The following NEDD4L variants were observed in gnomAD, a reference collection of about 807,000 sequenced individuals.
NEDD4L encodes the protein E3 ubiquitin-protein ligase NEDD4-like.
In NEDD4L, 54 loss-of-function variants were observed where a neutral mutation model predicts 148.9. The ratio of observed to expected loss-of-function variants is 0.36; its 90% confidence interval spans 0.29 to 0.45. NEDD4L has a LOEUF of 0.45. Among genes scored for constraint, NEDD4L ranks in the 20% least tolerant of loss-of-function variants. The pLI is 1.00. For missense variants in NEDD4L, 856 were observed against 1,233.8 expected (o/e 0.69, Z 4.59); for synonymous variants, 433 against 440.7 (o/e 0.98, Z 0.22).
intron 20 of NEDD4L, 134 bp from the exon 21 acceptor site, chr18:58,365,865 C>T (rs2046052851): frequency 6.4e-6 from 4 of 621,622 alleles, no homozygotes; most frequent in South Asian, 2.2e-5. Flanking sequence ...AGGAGAGAAT[C>T]TCAGTTGGAA....
chr18:58,160,289 A>G (rs1371738367), intron 1 of NEDD4L, among the ~76,000 whole-genome samples: 1 of 152,192 alleles, frequency 6.6e-6, no homozygotes, highest in Non-Finnish European at 1.5e-5. Context: ...CCTGTTTCTC[A>G]GTTTGGACAC....
chr18:58,081,505 G>A (rs371422345), intron 1 of NEDD4L, among the ~76,000 whole-genome samples: 38 of 151,876 alleles, frequency 2.5e-4, no homozygotes, highest in African/African-American at 9.2e-4. Context: ...GTGAGCCACC[G>A]CACCCAGCTG....
At chr18:58,161,950 G>T (rs1418810589) in intron 1 of NEDD4L, among the ~76,000 whole-genome samples, 1 of 152,136 alleles carries the variant, frequency 6.6e-6, no homozygotes, top group Non-Finnish European at 1.5e-5. Flanking sequence ...TAGTCAAGTT[G>T]CATGTCCGGG....
intron 6 of NEDD4L, 124 bp from the exon 7 acceptor site, chr18:58,322,301 G>C (rs2058862679): frequency 1.4e-6 from 1 of 724,828 alleles, no homozygotes; most frequent in South Asian, 1.7e-5. Context: ...ACCAAGTGAA[G>C]AAACACATTC....
chr18:58,305,775 CT>C (rs1344206272), intron 5 of NEDD4L, among the ~76,000 whole-genome samples: 5 of 152,126 alleles, frequency 3.3e-5, no homozygotes, highest in African/African-American at 1.2e-4. Context: ...CCTCTCCACA[CT>C]TTTCTCATCA....
chr18:58,268,991 C>T lies in NEDD4L; in HGVS notation c.297+16937C>T, dbSNP rs377560834. Among the ~76,000 whole-genome samples the T allele has an allele frequency of 1.1e-4, 16 of 152,118 alleles. No homozygotes were observed. In the South Asian group the frequency reaches 3.3e-3, roughly 32 times the overall value. ...GCCTCCTCCCTTCCCAAGCCTCAGG[C>T]CTGAAAGTCTGGTGATCCTCCCTGG... On this transcript the variant is annotated intron_variant, in intron 5 of 30. Transcript: ENST00000400345.
intron 16 of NEDD4L, among the ~76,000 whole-genome samples, chr18:58,349,142 C>T (rs1263004475): frequency 2.6e-5 from 4 of 152,056 alleles, no homozygotes; most frequent in African/African-American, 7.2e-5. Context: ...CTCCCCTCAC[C>T]GGGAGCTCGG....
intron 5 of NEDD4L, 110 bp downstream of exon 5, chr18:58,252,164 C>A: frequency 1.4e-6 from 1 of 730,486 alleles, no homozygotes. Flanking sequence ...AGTATATGTG[C>A]CCAAAAAGAA....
chr18:58,211,657 T>A (rs2042614729), intron 2 of NEDD4L, among the ~76,000 whole-genome samples: 1 of 152,230 alleles, frequency 6.6e-6, no homozygotes, highest in Non-Finnish European at 1.5e-5. Flanking sequence ...AATAAATACG[T>A]ACTACCTGAG....
At chr18:58,161,974 CT>C (rs763970750) in intron 1 of NEDD4L, among the ~76,000 whole-genome samples, 6 of 152,114 alleles carry the variant, frequency 3.9e-5, no homozygotes, top group Non-Finnish European at 8.8e-5. Flanking sequence ...AAAAGGGACA[CT>C]TTTCTGTGGA....
chr18:58,392,759 C>T (rs939994011), intron 30 of NEDD4L, among the ~76,000 whole-genome samples: 3 of 152,200 alleles, frequency 2.0e-5, no homozygotes, highest in African/African-American at 7.2e-5. Context: ...TTTCTGGGTT[C>T]TACTGGCCTC....
chr18:58,125,348 C>T (rs191143248), intron 1 of NEDD4L, among the ~76,000 whole-genome samples: 1 of 140,946 alleles, frequency 7.1e-6, no homozygotes, highest in African/African-American at 2.8e-5. Flanking sequence ...CCTCTTCCCC[C>T]CACCAGGAGG....
At chr18:58,094,274 T>C (rs1304927445) in intron 1 of NEDD4L, among the ~76,000 whole-genome samples, 3 of 151,746 alleles carry the variant, frequency 2.0e-5, no homozygotes, top group Non-Finnish European at 4.4e-5. Flanking sequence ...AGGCTTGACC[T>C]CCTGGGCTCA....
intron 29 of NEDD4L, among the ~76,000 whole-genome samples, chr18:58,391,140 A>G (rs766041096): frequency 1.3e-5 from 2 of 152,152 alleles, no homozygotes; most frequent in Non-Finnish European, 2.9e-5. Context: ...TACTTTGCAT[A>G]CTGAAAGTCA....
At chr18:58,123,531 C>CGGTTGGACACCCCACCCT (rs914241627) in intron 1 of NEDD4L, among the ~76,000 whole-genome samples, 1 of 152,154 alleles carries the variant, frequency 6.6e-6, no homozygotes, top group African/African-American at 2.4e-5. Context: ...ACCCCCGCCC[C>CGGTTGGACACCCCACCCT]GGTTGGACAC....
intron 1 of NEDD4L, among the ~76,000 whole-genome samples, chr18:58,070,507 G>T (rs971508773): frequency 6.6e-6 from 1 of 152,044 alleles, no homozygotes; most frequent in Non-Finnish European, 1.5e-5. Context: ...TTAAAATGGA[G>T]AAGTAAATGT....
At chr18:58,128,121 A>T (rs944975255) in intron 1 of NEDD4L, among the ~76,000 whole-genome samples, 4 of 151,988 alleles carry the variant, frequency 2.6e-5, no homozygotes, top group Non-Finnish European at 4.4e-5. Flanking sequence ...ATCTCGGCTC[A>T]CTGCAACCTC....
intron 1 of NEDD4L, among the ~76,000 whole-genome samples, chr18:58,070,205 G>A (rs1181667941): frequency 6.6e-6 from 1 of 151,906 alleles, no homozygotes; most frequent in Non-Finnish European, 1.5e-5. Context: ...TGTCTGAGGT[G>A]GTGTTGCTAA....
At chr18:58,266,279 C>A (rs1296793681) in intron 5 of NEDD4L, among the ~76,000 whole-genome samples, 1 of 151,870 alleles carries the variant, frequency 6.6e-6, no homozygotes, top group Non-Finnish European at 1.5e-5. Context: ...AATTGAGTAT[C>A]AGATCTGTGA....
Sources: gnomAD v4.1 joint callset for allele counts (sites outside exome capture counted in the v4.1 genomes callset) on GRCh38, gnomAD v4.1.1 for gene constraint, MANE v1.5 for transcripts, NCBI Gene and HGNC (gene_info 2026-07-23, HGNC 2026-07-21) for gene names.